Variants in HMCN2 observed in about 807,000 individuals in gnomAD.
The protein encoded by HMCN2 is hemicentin 2, also known as hemicentin-2.
In HMCN2, 325 loss-of-function variants were observed where a neutral mutation model predicts 377.5. That is an observed-to-expected ratio of 0.86 (90% CI 0.79 to 0.94). The LOEUF is 0.94. Ranked by LOEUF, HMCN2 falls within the 40% of genes least tolerant of loss-of-function variation. The pLI is 0.00. For missense variants in HMCN2, 4,543 were observed against 4,725.3 expected (o/e 0.96, Z 1.13); for synonymous variants, 2,007 against 2,046.8 (o/e 0.98, Z 0.53).
In HMCN2 at chr9:130,428,443, C is replaced by G. The variant is rs950460904; in HGVS notation, c.14151C>G (p.Pro4717=). The change falls in exon 93 of 98, where the codon CCC becomes CCG. Residue 4717 remains proline, a synonymous_variant. Coordinates refer to ENST00000683500, the MANE Select transcript of HMCN2 (RefSeq NM_001291815.2). This position sits in a 1 kb window ranked among gnomAD's most constrained non-coding sequence, Gnocchi z 5.0. ...VNLLGSYRCL[P]DCGPGFRVAD... The stretch of plus-strand genomic sequence containing the variant: ...TGCTCGGGTCCTACCGCTGCCTCCC[C>G]GACTGTGGGCCTGGCTTCCGGGTGG... 6.5e-7 allele frequency: 1 copy of G among 1,545,458 alleles called. No homozygotes were observed. The highest frequency in any genetic ancestry group is 1.4e-5 in the African/African-American group (1 of 73,044).
At position 130,391,538 on chromosome 9, in the gene HMCN2, G is replaced by A. The variant is rs1443862103; in HGVS notation, c.9916G>A (p.Gly3306Arg). The A allele has an allele frequency of 1.2e-5, 12 of 987,716 alleles. No individual in the cohort carries two copies. The South Asian group carries it at 1.4e-4, about 12-fold the overall frequency. 61.2% of individuals were successfully genotyped at this position (987,716 alleles called of 1,614,324 possible). Reference protein sequence around the residue: ...AYTCVAHNPAGEDARLHTVNV... With the variant: ...AYTCVAHNPAREDARLHTVNV... ...CACCTGCGTGGCCCACAACCCAGCC[G>A]GGGAGGACGCCAGGCTGCACACGGT... Residue 3306 changes from glycine to arginine, a missense_variant, in exon 65 of 98, where the codon GGG becomes AGG. By Grantham distance (125) the Gly-to-Arg change is moderately radical. Coordinates refer to ENST00000683500, the MANE Select transcript of HMCN2 (RefSeq NM_001291815.2).
At chr9:130,404,520 C>T (rs1016014298) in intron 80 of HMCN2, among the ~76,000 whole-genome samples, 1 of 152,252 alleles carries the variant, frequency 6.6e-6, no homozygotes, top group African/African-American at 2.4e-5. Context: ...GTGACAGCTG[C>T]CCTGCTTTTG....
At chr9:130,365,318 G>A (rs1271138969) in intron 41 of HMCN2, among the ~76,000 whole-genome samples, 1 of 152,240 alleles carries the variant, frequency 6.6e-6, no homozygotes, top group African/African-American at 2.4e-5. Context: ...TTTCCAAAGA[G>A]GCTGGGAGCT....
At chr9:130,392,230 AC>A in intron 66 of HMCN2, 112 bp downstream of exon 66, 2 of 759,814 alleles carry the variant, frequency 2.6e-6, no homozygotes, top group Non-Finnish European at 3.2e-6. Flanking sequence ...CCCACTCCCC[AC>A]CCCACAGCGA....
Position 130,287,551 on chromosome 9 carries a change from TAAAAAAA to T in HMCN2, c.612+1262_612+1268del, listed in dbSNP as rs142931668. 5.5e-4 allele frequency among the ~76,000 whole-genome samples: 51 copies of T among 93,288 alleles called. 1 individual carries two copies. The highest frequency in any genetic ancestry group is 5.0e-3 in the South Asian group (13 of 2,618). 61.2% of individuals were successfully genotyped at this position (93,288 alleles called of 152,430 possible). A position where few individuals can be genotyped will look rare whatever the true frequency, so the allele number is the denominator to read the frequency against. On this transcript the variant is annotated intron_variant, in intron 4 of 97. Transcript: ENST00000683500. ...GGGCAACAAGAGTGAAACTCTGTCT[TAAAAAAA>T]AAAAAAAAAAAAAAAAAAAAGATTA...
Position 130,392,227 on chromosome 9 carries a change from C to A in HMCN2, c.10136+109C>A, listed in dbSNP as rs1034069880. 14 of 775,348 alleles carry A rather than the reference C, an allele frequency of 1.8e-5. No individual in the cohort carries two copies. The African/African-American group carries it at 2.6e-4, about 15-fold the overall frequency. The allele number at this position is 775,348 out of a possible 1,614,324, so 48.0% of individuals were successfully genotyped here. ...CCAGGACTGGCTGCAACACCCACTCCCCACCCCACAGCGAGTGTGGACTGC... is the reference window on the plus strand; with the variant it reads ...CCAGGACTGGCTGCAACACCCACTCACCACCCCACAGCGAGTGTGGACTGC... On this transcript the variant is annotated intron_variant, in intron 66 of 97. Transcript: ENST00000683500.
Position 130,397,482 on chromosome 9 carries a change from A to G in HMCN2, c.11199-46A>G, listed in dbSNP as rs959238807. The G allele has an allele frequency of 5.5e-5, 71 of 1,284,322 alleles. No homozygotes were observed. In the African/African-American group the frequency reaches 1.1e-3, roughly 19 times the overall value. 79.6% of individuals were successfully genotyped at this position (1,284,322 alleles called of 1,614,324 possible). Reference sequence around the variant, plus strand: ...CTTGCTAGAGACAGCCTTGCTCCAGACCCCACTGGCTTGCTCATCTCCAGG... The same window carrying G: ...CTTGCTAGAGACAGCCTTGCTCCAGGCCCCACTGGCTTGCTCATCTCCAGG... On this transcript the variant is annotated intron_variant, in intron 73 of 97. Coordinates refer to ENST00000683500, the MANE Select transcript of HMCN2 (RefSeq NM_001291815.2).
chr9:130,427,212 C>A, intron 90 of HMCN2, 101 bp from the exon 91 acceptor site: 1 of 1,266,810 alleles, frequency 7.9e-7, no homozygotes, highest in Non-Finnish European at 1.1e-6. Flanking sequence ...CTCTGCCTGG[C>A]TAAGCTGGCA....
In HMCN2 at chr9:130,429,705, C is replaced by T; in HGVS notation, c.14326+20C>T. On this transcript the variant is annotated intron_variant, in intron 94 of 97. Coordinates refer to ENST00000683500, the MANE Select transcript of HMCN2 (RefSeq NM_001291815.2). ...GCCTAGGTACGGGGACACCCACCCTCTGGCCACACCGCTGCAGCTGCCCCA... is the reference window on the plus strand; with the variant it reads ...GCCTAGGTACGGGGACACCCACCCTTTGGCCACACCGCTGCAGCTGCCCCA... 1 of 1,308,378 alleles carries T rather than the reference C, an allele frequency of 7.6e-7. No homozygotes were observed. Among genetic ancestry groups the T allele is most frequent in the Non-Finnish European group, 1.0e-6 (1 of 981,354 alleles). The allele number at this position is 1,308,378 out of a possible 1,614,324, so 81.0% of individuals were successfully genotyped here.
Position 130,425,714 on chromosome 9 carries a change from G to C in HMCN2, c.13669G>C (p.Gly4557Arg). 1 of 1,336,454 alleles carries C rather than the reference G, an allele frequency of 7.5e-7. No individual in the cohort carries two copies. 82.8% of individuals were successfully genotyped at this position (1,336,454 alleles called of 1,614,324 possible). ...CTTTGAGGAGCACTACGTGCAAACA[G>C]GGCCTGGCCAGCTGTTCGTGGGCTC... ...QDFEEHYVQT[G>R]PGQLFVGSTQ... The change falls in exon 90 of 98, where the codon GGG becomes CGG. Residue 4557 changes from glycine to arginine, a missense_variant. Physicochemically the swap from Gly to Arg is moderately radical, Grantham distance 125. Coordinates refer to ENST00000683500, the MANE Select transcript of HMCN2 (RefSeq NM_001291815.2).
At position 130,379,273 on chromosome 9, in the gene HMCN2, G is replaced by A; in HGVS notation, c.8237G>A (p.Gly2746Asp). The change falls in exon 54 of 98, where the codon GGT becomes GAT. Residue 2746 changes from glycine (G) to aspartate (D), a missense_variant. Coordinates refer to ENST00000683500, the MANE Select transcript of HMCN2 (RefSeq NM_001291815.2). ...GTGCCCCCCATGTTCCAGAAGGTGG[G>A]TGATTTCAGTGCAGCCTTCGAGATC... ...IQVPPMFQKV[G>D]DFSAAFEILS... 1 of 985,802 alleles carries A rather than the reference G, an allele frequency of 1.0e-6. No individual in the cohort carries two copies. The highest frequency in any genetic ancestry group is 1.2e-6 in the Non-Finnish European group (1 of 829,948). The allele number at this position is 985,802 out of a possible 1,614,324, so 61.1% of individuals were successfully genotyped here.
At chr9:130,307,685 G>T (rs150594438) in intron 14 of HMCN2, 119 bp downstream of exon 14, 2 of 432,258 alleles carry the variant, frequency 4.6e-6, no homozygotes, top group East Asian at 7.2e-5. Context: ...GCTCCCCGCC[G>T]CCCTGACCCC....
chr9:130,315,413 A>G (rs1456166733), intron 15 of HMCN2, among the ~76,000 whole-genome samples: 2 of 82,870 alleles, frequency 2.4e-5, no homozygotes, highest in African/African-American at 5.3e-5. Context: ...CTCTGTCCCT[A>G]TGCACCAATT....
intron 7 of HMCN2, among the ~76,000 whole-genome samples, chr9:130,297,111 C>G (rs1210490762): frequency 6.6e-6 from 1 of 152,204 alleles, no homozygotes; most frequent in East Asian, 1.9e-4. Flanking sequence ...ACACCTTCTT[C>G]TTTCTTTTTG....
Position 130,406,169 on chromosome 9 carries a change from G to T in HMCN2, c.12553+1G>T. On this transcript the variant is annotated splice_donor_variant, in intron 82 of 97. Transcript: ENST00000683500. LOFTEE classifies it high-confidence loss of function. The stretch of plus-strand genomic sequence containing the variant: ...ACTGTCAACGACCGGCCAGTCACAG[G>T]TCTGGGTCTGCTGGGCATGGGTGGG... 1 of 1,289,804 alleles carries T rather than the reference G, an allele frequency of 7.8e-7. No homozygotes were observed. Among genetic ancestry groups the T allele is most frequent in the Non-Finnish European group, 1.0e-6 (1 of 988,838 alleles). 79.9% of individuals were successfully genotyped at this position (1,289,804 alleles called of 1,614,324 possible).
chr9:130,331,608 C>T (rs1838431857), intron 22 of HMCN2, among the ~76,000 whole-genome samples: 2 of 152,072 alleles, frequency 1.3e-5, no homozygotes, highest in Admixed American at 1.3e-4. Context: ...GACCCTTCCC[C>T]TCTCCCCTCC....
chr9:130,280,776 T>C (rs190426487), intron 1 of HMCN2, among the ~76,000 whole-genome samples: 1 of 152,322 alleles, frequency 6.6e-6, no homozygotes, highest in East Asian at 1.9e-4. Flanking sequence ...AAAGGTTATA[T>C]ACAAAAATGA....
rs900261224 is a variant in HMCN2, at chr9:130,394,550, G to A, written c.10667G>A (p.Arg3556Gln). The A allele has an allele frequency of 4.7e-6, 6 of 1,288,496 alleles. No homozygotes were observed. Among genetic ancestry groups the A allele is most frequent in the African/African-American group, 3.0e-5 (2 of 65,842 alleles). The allele number at this position is 1,288,496 out of a possible 1,614,324, so 79.8% of individuals were successfully genotyped here. Residue 3556 changes from arginine (R) to glutamine (Q), a missense_variant, in exon 69 of 98, where the codon CGG (arginine) becomes CAG (glutamine). Transcript: ENST00000683500. This position sits in a 1 kb window ranked among gnomAD's most constrained non-coding sequence, Gnocchi z 5.1. ...TRLENNSRAT[R>Q]VLRVENVQVR... ...CTGGAGAACAACAGCAGAGCCACACGGGTGCTCCGGGTGGAGAATGTGCAG... is the reference window on the plus strand; with the variant it reads ...CTGGAGAACAACAGCAGAGCCACACAGGTGCTCCGGGTGGAGAATGTGCAG...
At chr9:130,266,928 G>C (rs1277482466) in intron 1 of HMCN2, among the ~76,000 whole-genome samples, 4 of 150,704 alleles carry the variant, frequency 2.7e-5, no homozygotes, top group African/African-American at 9.8e-5. Flanking sequence ...CCAGCGGCGA[G>C]GAGCAGGACT....
Sources: gnomAD v4.1 joint callset for allele counts (sites outside exome capture counted in the v4.1 genomes callset) on GRCh38, gnomAD v4.1.1 for gene constraint, Gnocchi (gnomAD v3.1) non-coding constraint, MANE v1.5 for transcripts, NCBI Gene and HGNC (gene_info 2026-07-23, HGNC 2026-07-21) for gene names.